Variants in PTPRT observed in about 807,000 individuals in gnomAD.
PTPRT encodes protein tyrosine phosphatase receptor type T, also known as receptor-type tyrosine-protein phosphatase T.
Under a neutral mutation model 176.8 loss-of-function variants are expected in PTPRT, and 56 were observed. The observed-to-expected ratio is 0.32, with a 90% confidence interval of 0.26 to 0.40. PTPRT has a LOEUF of 0.40. Among genes scored for constraint, PTPRT ranks in the 10% least tolerant of loss-of-function variants. PTPRT has a pLI of 1.00. For synonymous variants in PTPRT, 783 were observed against 739.0 expected (o/e 1.06, Z -0.96); for missense variants, 1,540 against 1,908.2 (o/e 0.81, Z 3.60).
intron 3 of PTPRT, among the ~76,000 whole-genome samples, chr20:42,788,992 T>A (rs1212374526): frequency 6.6e-6 from 1 of 152,232 alleles, no homozygotes; most frequent in East Asian, 1.9e-4. Context: ...TTACTTAACT[T>A]CAGTTACCTT....
At chr20:42,713,554 C>T (rs776530903) in intron 6 of PTPRT, among the ~76,000 whole-genome samples, 1 of 152,044 alleles carries the variant, frequency 6.6e-6, no homozygotes, top group Non-Finnish European at 1.5e-5. Flanking sequence ...TTAAATGAAA[C>T]TGTAAGACTT....
chr20:42,234,732 G>A (rs1369511696), intron 15 of PTPRT, among the ~76,000 whole-genome samples: 1 of 152,182 alleles, frequency 6.6e-6, no homozygotes, highest in Non-Finnish European at 1.5e-5. Flanking sequence ...AACATAATGT[G>A]CATGTTCAAA....
Position 42,265,515 on chromosome 20 carries a change from G to A in PTPRT, c.2177-16693C>T, listed in dbSNP as rs375006329. Among the ~76,000 whole-genome samples the A allele has an allele frequency of 1.6e-4, 25 of 152,026 alleles. 1 individual carries two copies. Among genetic ancestry groups the A allele is most frequent in the African/African-American group, 6.0e-4 (25 of 41,368 alleles). ...ATATTTTTCTTTTCATCGTCTTATTGGACATTCCCAATGCTTTGTCCCCCA... is the reference window on the plus strand; with the variant it reads ...ATATTTTTCTTTTCATCGTCTTATTAGACATTCCCAATGCTTTGTCCCCCA... On this transcript the variant is annotated intron_variant, in intron 13 of 30. Transcript: ENST00000373187.
In PTPRT at chr20:42,102,198, G is replaced by C. The variant is rs767012239; in HGVS notation, c.3640C>G (p.Leu1214Val). 2 of 1,614,202 alleles carry C rather than the reference G, an allele frequency of 1.2e-6. No individual in the cohort carries two copies. Among genetic ancestry groups the C allele is most frequent in the East Asian group, 2.2e-5 (1 of 44,876 alleles). Residue 1214 changes from leucine (L) to valine (V), a missense_variant, in exon 26 of 31, where the codon CTG becomes GTG. Physicochemically the swap from Leu to Val is conservative, Grantham distance 32. This residue lies in a region of PTPRT where 342 missense variants were observed against 394.0 expected (regional missense o/e 0.87). Transcript: ENST00000373187. ...DKNRSMDVLPLDRCLPFLISV... is the reference protein window; with the variant it reads ...DKNRSMDVLPVDRCLPFLISV... ...ATAAGGAAGGGCAGGCAGCGGTCCA[G>C]AGGCAGCACGTCCATACTTCGATTC...
intron 8 of PTPRT, among the ~76,000 whole-genome samples, chr20:42,461,480 T>G (rs2071019013): frequency 1.3e-5 from 2 of 151,986 alleles, no homozygotes. Flanking sequence ...GAGGATACAG[T>G]GAGCTGATCA....
chr20:43,005,765 C>T lies in PTPRT; in HGVS notation c.89-119833G>A, dbSNP rs373305453. Among the ~76,000 whole-genome samples the T allele has an allele frequency of 1.8e-4, 27 of 152,228 alleles. 1 individual carries two copies. In the East Asian group the frequency reaches 4.1e-3, roughly 23 times the overall value. The stretch of plus-strand genomic sequence containing the variant: ...TAATTGAATGTGAACACAATTTGGA[C>T]AGCAGATCAAAAACCTTATACAATT... On this transcript the variant is annotated intron_variant, in intron 1 of 30. Coordinates refer to ENST00000373187, the MANE Select transcript of PTPRT (RefSeq NM_007050.6).
At chr20:42,210,314 A>G (rs1481536869) in intron 15 of PTPRT, among the ~76,000 whole-genome samples, 1 of 152,078 alleles carries the variant, frequency 6.6e-6, no homozygotes, top group African/African-American at 2.4e-5. Flanking sequence ...GAGGCAGGAG[A>G]AGGAAATAAA....
intron 1 of PTPRT, among the ~76,000 whole-genome samples, chr20:43,026,807 A>C (rs1046021965): frequency 6.6e-6 from 1 of 152,212 alleles, no homozygotes; most frequent in Non-Finnish European, 1.5e-5. Flanking sequence ...TCCCAAAAAT[A>C]AGTGAGAGCA....
chr20:42,380,996 TGGGAGTGGGAGTAAGGGA>T (rs981821855), intron 9 of PTPRT, among the ~76,000 whole-genome samples: 29 of 151,936 alleles, frequency 1.9e-4, no homozygotes, highest in Non-Finnish European at 2.9e-4. Flanking sequence ...TTTCACATGG[TGGGAGTGGGAGTAAGGGA>T]GGGAGGTGCT....
intron 20 of PTPRT, 148 bp downstream of exon 20, chr20:42,119,787 C>T: frequency 3.2e-6 from 2 of 634,428 alleles, no homozygotes; most frequent in Non-Finnish European, 2.6e-6. Flanking sequence ...GGTGGAAACT[C>T]ATTCCTCTCC....
chr20:42,294,696 T>C (rs751681573), intron 12 of PTPRT, among the ~76,000 whole-genome samples: 15 of 149,462 alleles, frequency 1.0e-4, no homozygotes, highest in Non-Finnish European at 2.1e-4. Flanking sequence ...AAGAAAACAG[T>C]CTAGAAGTAA....
At chr20:42,606,759 C>T (rs2273072) in intron 7 of PTPRT, 44,022 of 152,112 alleles carry the variant, frequency 0.29, 9,461 homozygotes, top group African/African-American at 0.61. Flanking sequence ...TTACCCCCGA[C>T]ATTTTTTTCT....
At chr20:42,112,915 G>T (rs1459809441) in intron 22 of PTPRT, among the ~76,000 whole-genome samples, 1 of 152,116 alleles carries the variant, frequency 6.6e-6, no homozygotes, top group Non-Finnish European at 1.5e-5. Flanking sequence ...CTTTTTTCAC[G>T]CCATCCTCCA....
chr20:42,832,836 C>A lies in PTPRT; in HGVS notation c.215-41370G>T, dbSNP rs370452600. On this transcript the variant is annotated intron_variant, in intron 2 of 30. Coordinates refer to ENST00000373187, the MANE Select transcript of PTPRT (RefSeq NM_007050.6). ...AAAAAAAAAAAGGCCAGGCTTGGTG[C>A]CTCACACATGTAATCTCAGTACTTC... Among the ~76,000 whole-genome samples, 43 of 143,202 alleles carry A rather than the reference C, an allele frequency of 3.0e-4. No individual in the cohort carries two copies. In the East Asian group the frequency reaches 6.6e-3, roughly 22 times the overall value. 93.9% of individuals were successfully genotyped at this position (143,202 alleles called of 152,430 possible).
chr20:42,286,864 T>C (rs188670741), intron 12 of PTPRT, among the ~76,000 whole-genome samples: 1 of 151,896 alleles, frequency 6.6e-6, no homozygotes, highest in Non-Finnish European at 1.5e-5. Flanking sequence ...GGAATTAATA[T>C]TCACAACATA....
intron 16 of PTPRT, among the ~76,000 whole-genome samples, chr20:42,195,074 G>A (rs973242640): frequency 2.6e-5 from 4 of 152,132 alleles, no homozygotes; most frequent in Non-Finnish European, 5.9e-5. Flanking sequence ...GTTACTGGGT[G>A]CAGCACACCA....
intron 1 of PTPRT, among the ~76,000 whole-genome samples, chr20:43,008,521 T>C (rs8123324): frequency 0.011 from 1,631 of 151,866 alleles, 41 homozygotes; most frequent in African/African-American, 0.037. Flanking sequence ...TAAAACCCCA[T>C]CTCTACTAAA....
intron 1 of PTPRT, among the ~76,000 whole-genome samples, chr20:43,112,739 G>A (rs141885680): frequency 2.0e-5 from 3 of 152,174 alleles, no homozygotes; most frequent in Non-Finnish European, 4.4e-5. Flanking sequence ...ATTCAAGCAC[G>A]ATTTTTATTA....
chr20:42,095,944 T>G (rs561836586), intron 27 of PTPRT, among the ~76,000 whole-genome samples: 1 of 152,250 alleles, frequency 6.6e-6, no homozygotes, highest in South Asian at 2.1e-4. Context: ...TCTCGCTGCC[T>G]TCCCCTACCT....
Sources: allele counts gnomAD v4.1 joint callset (sites outside exome capture counted in the v4.1 genomes callset), GRCh38; gene constraint gnomAD v4.1.1; regional missense constraint gnomAD v4.1.1; transcripts MANE v1.5; gene names NCBI Gene and HGNC (gene_info 2026-07-23, HGNC 2026-07-21).